SLC38A10: variants seen among roughly 807,000 people sequenced by gnomAD.
The protein encoded by SLC38A10 is solute carrier family 38 member 10, also known as Sodium-coupled neutral amino acid transporter 10.
SLC38A10 carries 53 observed loss-of-function variants against 81.0 expected under a neutral mutation model. That is an observed-to-expected ratio of 0.65 (90% confidence interval 0.53 to 0.82). The LOEUF is 0.82. SLC38A10 is among the 40% of genes least tolerant of loss of function. The pLI, the probability that SLC38A10 is intolerant of heterozygous loss-of-function variation, is 0.00. For synonymous variants in SLC38A10, 665 were observed against 655.3 expected, an observed-to-expected ratio of 1.01 and a Z score of -0.23; for missense variants, 1,471 against 1,545.0, an observed-to-expected ratio of 0.95 and a Z score of 0.80.
rs1383427570 is a variant in SLC38A10, at chr17:81,283,328, C to T, written c.357+81G>A. 3.9e-6 allele frequency: 5 copies of T among 1,286,198 alleles called. No homozygotes were observed. The highest frequency in any genetic ancestry group is 5.5e-6 in the Non-Finnish European group (5 of 908,004). The allele number at this position is 1,286,198 out of a possible 1,614,324, so 79.7% of individuals were successfully genotyped here. A position where few individuals can be genotyped will look rare whatever the true frequency, so the allele number is the denominator to read the frequency against. ...CTTCTCCCGACCAGCACCCAGGTCT[C>T]GGTCCTCGGGAGGATCCCACAGAGG... On this transcript the variant is annotated intron_variant, in intron 4 of 15. Transcript: ENST00000374759. This position sits in a 1 kb window ranked among gnomAD's most constrained non-coding sequence, Gnocchi z 4.7.
rs539658572 is a variant in SLC38A10, at chr17:81,272,517, G to A, written c.1023C>T (p.Asn341=). 34 of 1,585,640 alleles carry A rather than the reference G, an allele frequency of 2.1e-5. No homozygotes were observed. Among genetic ancestry groups the A allele is most frequent in the East Asian group, 2.1e-4 (9 of 43,244 alleles). The change falls in exon 9 of 16, where the codon AAC becomes AAT. Residue 341 remains asparagine (N), a splice_region_variant and synonymous_variant. Transcript: ENST00000374759. ...GTMVGGILIP[N]VETILGLTGA... is the part of the protein sequence containing the mutation. The stretch of plus-strand genomic sequence containing the variant: ...AACAGGGCAGCCCTCCCGCCTTACC[G>A]TTGGGGATAAGGATGCCACCAACCA...
rs1211928515 is a variant in SLC38A10, at chr17:81,253,164, C to T, written c.1365G>A (p.Glu455=). 1 of 1,613,970 alleles carries T rather than the reference C, an allele frequency of 6.2e-7. No homozygotes were observed. The highest frequency in any genetic ancestry group is 1.7e-5 in the Admixed American group (1 of 60,024). ...CCACGGGCCCCTTGATCTGGGCCTGCTCCAGCTCCTCTCTCTCCTTCGGCA... is the reference window on the plus strand; with the variant it reads ...CCACGGGCCCCTTGATCTGGGCCTGTTCCAGCTCCTCTCTCTCCTTCGGCA... ...PKLPKEREEL[E]QAQIKGPVDV... is the part of the protein sequence containing the mutation. The change falls in exon 12 of 16, where the codon GAG becomes GAA. Residue 455 remains glutamate, a synonymous_variant. Transcript: ENST00000374759. The surrounding 1 kb of genome is among the most constrained non-coding windows in gnomAD (Gnocchi z 4.1).
chr17:81,246,860 C>G (rs746157858), intron 15 of SLC38A10, 25 bp downstream of exon 15: 8 of 1,565,500 alleles, frequency 5.1e-6, no homozygotes, highest in African/African-American at 1.3e-5. Context: ...GGCCCCACCC[C>G]ACTCCATCCG....
In SLC38A10 at chr17:81,276,269, C is replaced by A; in HGVS notation, c.730-118G>T. The stretch of plus-strand genomic sequence containing the variant: ...CCTGCCCCCCAGAATGGCCTTCAAT[C>A]CACTTCATAATGAAGCTTCTGCAAG... On this transcript the variant is annotated intron_variant, in intron 7 of 15. Coordinates refer to ENST00000374759, the MANE Select transcript of SLC38A10 (RefSeq NM_001037984.3). The surrounding 1 kb of genome is among the most constrained non-coding windows in gnomAD (Gnocchi z 4.7). The A allele has an allele frequency of 1.1e-6, 1 of 887,224 alleles. No homozygotes were observed. Among genetic ancestry groups the A allele is most frequent in the Non-Finnish European group, 1.6e-6 (1 of 614,436 alleles). The allele number at this position is 887,224 out of a possible 1,614,324, so 55.0% of individuals were successfully genotyped here.
chr17:81,260,410 C>A lies in SLC38A10; in HGVS notation c.1132-16G>T, dbSNP rs989064685. On this transcript the variant is annotated splice_polypyrimidine_tract_variant and intron_variant, in intron 10 of 15. Coordinates refer to ENST00000374759, the MANE Select transcript of SLC38A10 (RefSeq NM_001037984.3). ...ACAGCACCACCTGAGGAGACAAAGA[C>A]CCCAGGGGCGGGAGTCACAGCTGGC... 4 of 1,603,780 alleles carry A rather than the reference C, an allele frequency of 2.5e-6. No individual in the cohort carries two copies. Among genetic ancestry groups the A allele is most frequent in the Admixed American group, 3.4e-5 (2 of 59,008 alleles).
In SLC38A10 at chr17:81,284,828, G is replaced by A. The variant is rs1216701634; in HGVS notation, c.263+22C>T. The A allele has an allele frequency of 5.5e-5, 84 of 1,514,334 alleles. 1 individual carries two copies. Among genetic ancestry groups the A allele is most frequent in the South Asian group, 1.1e-4 (9 of 80,798 alleles). 93.8% of individuals were successfully genotyped at this position (1,514,334 alleles called of 1,614,324 possible). Reference sequence around the variant, plus strand: ...CTGGGTGCGGGGGTGGGGGGCAAGCGCAGCGGCAGGGCGGGGCTTACCTGG... The same window carrying A: ...CTGGGTGCGGGGGTGGGGGGCAAGCACAGCGGCAGGGCGGGGCTTACCTGG... On this transcript the variant is annotated intron_variant, in intron 3 of 15. Coordinates refer to ENST00000374759, the MANE Select transcript of SLC38A10 (RefSeq NM_001037984.3).
At chr17:81,293,469 A>T (rs897379447) in intron 1 of SLC38A10, among the ~76,000 whole-genome samples, 2 of 149,848 alleles carry the variant, frequency 1.3e-5, no homozygotes, top group Admixed American at 1.3e-4. Context: ...CCTTGATCAA[A>T]AAAAAGTTGT....
At chr17:81,287,914 G>A (rs2063280812) in intron 2 of SLC38A10, among the ~76,000 whole-genome samples, 1 of 152,228 alleles carries the variant, frequency 6.6e-6, no homozygotes, top group Non-Finnish European at 1.5e-5. Context: ...GGAGAAAAGG[G>A]TCGCCCTGCA....
chr17:81,257,000 C>T (rs1267440053), intron 11 of SLC38A10, among the ~76,000 whole-genome samples: 1 of 152,214 alleles, frequency 6.6e-6, no homozygotes, highest in Non-Finnish European at 1.5e-5. Context: ...GGAGAGGCTC[C>T]CAGTTCCTTC....
intron 1 of SLC38A10, among the ~76,000 whole-genome samples, chr17:81,293,730 G>A (rs1328832486): frequency 1.3e-5 from 2 of 152,252 alleles, no homozygotes; most frequent in Admixed American, 6.5e-5. Context: ...TAATGAATAT[G>A]AAAAACACAG....
intron 14 of SLC38A10, among the ~76,000 whole-genome samples, chr17:81,248,628 G>A (rs1428847365): frequency 1.3e-5 from 2 of 152,270 alleles, no homozygotes; most frequent in Non-Finnish European, 1.5e-5. Flanking sequence ...ATCCAGGAGC[G>A]AGAAGGATGT....
At position 81,289,979 on chromosome 17, in the gene SLC38A10, G is replaced by A. The variant is rs549441100; in HGVS notation, c.100-171C>T. Among the ~76,000 whole-genome samples, 83 of 152,204 alleles carry A rather than the reference G, an allele frequency of 5.5e-4. No homozygotes were observed. Among genetic ancestry groups the A allele is most frequent in the Non-Finnish European group, 5.3e-4 (36 of 68,038 alleles). On this transcript the variant is annotated intron_variant, in intron 1 of 15. Coordinates refer to ENST00000374759, the MANE Select transcript of SLC38A10 (RefSeq NM_001037984.3). This position sits in a 1 kb window ranked among gnomAD's most constrained non-coding sequence, Gnocchi z 5.9. ...CTGAAAGGGCCATTTCCTTGCTGTGGTGGCCGCGCGCCTTGTCCAGGGATG... is the reference window on the plus strand; with the variant it reads ...CTGAAAGGGCCATTTCCTTGCTGTGATGGCCGCGCGCCTTGTCCAGGGATG...
At chr17:81,274,872 ATG>A in intron 8 of SLC38A10, among the ~76,000 whole-genome samples, 1 of 152,302 alleles carries the variant, frequency 6.6e-6, no homozygotes, top group South Asian at 2.1e-4. Flanking sequence ...CCTGGCCTAC[ATG>A]TGTTACAGTG....
At chr17:81,251,056 G>A (rs1450935828) in intron 14 of SLC38A10, 2 of 1,443,816 alleles carry the variant, frequency 1.4e-6, no homozygotes, top group African/African-American at 1.4e-5. Flanking sequence ...CCCCAAACTG[G>A]GTCCCCTTGG....
In SLC38A10 at chr17:81,279,282, A is replaced by C. The variant is rs535991354; in HGVS notation, c.626+1327T>G. 4.6e-5 allele frequency among the ~76,000 whole-genome samples: 7 copies of C among 152,326 alleles called. No individual in the cohort carries two copies. In the East Asian group the frequency reaches 1.4e-3, roughly 29 times the overall value. On this transcript the variant is annotated intron_variant, in intron 6 of 15. Coordinates refer to ENST00000374759, the MANE Select transcript of SLC38A10 (RefSeq NM_001037984.3). ...TGCATAACCAGGTATGCATTTACCA[A>C]AAACGGCCAGATAGTGAAGGCACAA... is the stretch of plus-strand genomic sequence containing the variant.
In SLC38A10 at chr17:81,281,879, A is replaced by G. The variant is rs1305944819; in HGVS notation, c.501+310T>C. On this transcript the variant is annotated intron_variant, in intron 5 of 15. Transcript: ENST00000374759. The surrounding 1 kb of genome is among the most constrained non-coding windows in gnomAD (Gnocchi z 5.3). ...ACCCTACATAAGACATCTTTGCATAAAGCAAGTGGACTTGGAGTTTCCTTC... is the reference window on the plus strand; with the variant it reads ...ACCCTACATAAGACATCTTTGCATAGAGCAAGTGGACTTGGAGTTTCCTTC... Among the ~76,000 whole-genome samples the G allele has an allele frequency of 6.6e-6, 1 of 152,192 alleles. No homozygotes were observed. The highest frequency in any genetic ancestry group is 1.5e-5 in the Non-Finnish European group (1 of 68,036).
chr17:81,273,761 T>G (rs1264562896), intron 8 of SLC38A10, among the ~76,000 whole-genome samples: 7 of 152,052 alleles, frequency 4.6e-5, no homozygotes, highest in South Asian at 2.1e-4. Flanking sequence ...ACGAAGACTG[T>G]CGTGAGATGG....
intron 1 of SLC38A10, among the ~76,000 whole-genome samples, chr17:81,294,287 T>G (rs2063331385): frequency 6.6e-6 from 1 of 152,184 alleles, no homozygotes; most frequent in Non-Finnish European, 1.5e-5. Flanking sequence ...CGCCTCGGCC[T>G]CCCAAAGTGC....
intron 11 of SLC38A10, among the ~76,000 whole-genome samples, chr17:81,259,861 C>T (rs576625126): frequency 2.6e-5 from 4 of 152,320 alleles, no homozygotes; most frequent in East Asian, 3.9e-4. Flanking sequence ...GAGGCCTGAT[C>T]GCCGACCCTG....
Sources: gnomAD v4.1 joint callset for allele counts (sites outside exome capture counted in the v4.1 genomes callset) on GRCh38, gnomAD v4.1.1 for gene constraint, Gnocchi (gnomAD v3.1) non-coding constraint, MANE v1.5 for transcripts, NCBI Gene and HGNC (gene_info 2026-07-23, HGNC 2026-07-21) for gene names.